BCO1: variants seen among roughly 807,000 people sequenced by gnomAD.
The protein encoded by BCO1 is beta-carotene oxygenase 1, also known as beta,beta-carotene 15,15'-dioxygenase.
Under a neutral mutation model 56.3 loss-of-function variants are expected in BCO1, and 54 were observed. The observed-to-expected ratio is 0.96, with a 90% CI of 0.77 to 1.20. The LOEUF (loss-of-function observed/expected upper bound fraction) is 1.20, where lower values mean the gene tolerates loss of function less well. BCO1 is among the 50% of genes most tolerant of loss of function. The pLI is 0.00. For synonymous variants in BCO1, 318 were observed against 266.1 expected (o/e 1.20, Z -1.90); for missense variants, 801 against 690.9 (o/e 1.16, Z -1.79).
At chr16:81,240,611 A>G (rs1359022488) in intron 1 of BCO1, among the ~76,000 whole-genome samples, 1 of 151,862 alleles carries the variant, frequency 6.6e-6, no homozygotes, top group African/African-American at 2.4e-5. Flanking sequence ...AGGATGAGGT[A>G]GTAGAATTGC....
At chr16:81,271,408 C>G (rs533120757) in intron 7 of BCO1, among the ~76,000 whole-genome samples, 1 of 152,196 alleles carries the variant, frequency 6.6e-6, no homozygotes, top group African/African-American at 2.4e-5. Context: ...AGCCACCATG[C>G]CTGGCCTAAT....
At chr16:81,267,043 C>A (rs1406842473) in intron 5 of BCO1, among the ~76,000 whole-genome samples, 2 of 152,172 alleles carry the variant, frequency 1.3e-5, no homozygotes, top group African/African-American at 4.8e-5. Context: ...CTCATGCTTG[C>A]AGAGGAATAA....
At position 81,290,610 on chromosome 16, in the gene BCO1, C is replaced by A. The variant is rs761030958; in HGVS notation, c.*33C>A. ...GGGGTTTGGGTAGGGGAGGGGAGCT[C>A]GGCTGTCAGAACTCCATGGATATGT... is the stretch of plus-strand genomic sequence containing the variant. On this transcript the variant is annotated 3_prime_UTR_variant, in exon 11 of 11. Transcript: ENST00000258168. 2 of 1,542,186 alleles carry A rather than the reference C, an allele frequency of 1.3e-6. No individual in the cohort carries two copies. The highest frequency in any genetic ancestry group is 1.8e-6 in the Non-Finnish European group (2 of 1,122,030).
At chr16:81,287,835 A>T (rs1446970901) in intron 10 of BCO1, among the ~76,000 whole-genome samples, 1 of 152,172 alleles carries the variant, frequency 6.6e-6, no homozygotes, top group African/African-American at 2.4e-5. Flanking sequence ...ACAATGACGT[A>T]TGACAATACT....
At chr16:81,256,229 A>G (rs1906129072) in intron 2 of BCO1, among the ~76,000 whole-genome samples, 1 of 152,094 alleles carries the variant, frequency 6.6e-6, no homozygotes, top group South Asian at 2.1e-4. Context: ...AGTGTTTAGC[A>G]TGCTGGTGCT....
intron 1 of BCO1, among the ~76,000 whole-genome samples, chr16:81,242,192 C>CTTTT (rs796252592): frequency 7.0e-4 from 55 of 78,742 alleles, no homozygotes; most frequent in Admixed American, 1.1e-3. Context: ...ACTTGGCTGT[C>CTTTT]TTTTTTTTTT....
In BCO1 at chr16:81,269,585, C is replaced by A. The variant is rs534642797; in HGVS notation, c.844-574C>A. On this transcript the variant is annotated intron_variant, in intron 6 of 10. Transcript: ENST00000258168. ...TGGGTTCAAGCGATTCTCCTGCCTCCACCTCCTGAGTAGTTGGGATTACAG... is the reference window on the plus strand; with the variant it reads ...TGGGTTCAAGCGATTCTCCTGCCTCAACCTCCTGAGTAGTTGGGATTACAG... Among the ~76,000 whole-genome samples, 9 of 152,244 alleles carry A rather than the reference C, an allele frequency of 5.9e-5. No individual in the cohort carries two copies. The East Asian group carries it at 1.7e-3, about 29-fold the overall frequency.
chr16:81,255,575 C>G (rs911392084), intron 2 of BCO1, among the ~76,000 whole-genome samples: 12 of 151,672 alleles, frequency 7.9e-5, no homozygotes, highest in African/African-American at 2.9e-4. Flanking sequence ...TCTCAGCTCA[C>G]TGCAACCTCT....
At chr16:81,276,467 A>G (rs1907563570) in intron 7 of BCO1, among the ~76,000 whole-genome samples, 5 of 152,180 alleles carry the variant, frequency 3.3e-5, no homozygotes, top group Admixed American at 3.3e-4. Context: ...CCACAGGCCC[A>G]TGAGGTGGCC....
Position 81,268,068 on chromosome 16 carries a change from G to T in BCO1, c.780G>T (p.Met260Ile). Residue 260 changes from methionine to isoleucine, a missense_variant, in exon 6 of 11, where the codon ATG (methionine) becomes ATT (isoleucine). Coordinates refer to ENST00000258168, the MANE Select transcript of BCO1 (RefSeq NM_017429.3). ...CTTTCAGGTTGGATATTCTCAAGAT[G>T]GCAACCGCATACATCCGGAGAATGA... The part of the protein sequence containing the change: ...EQPFRLDILK[M>I]ATAYIRRMSW... 1 of 1,613,164 alleles carries T rather than the reference G, an allele frequency of 6.2e-7. No homozygotes were observed.
chr16:81,252,677 G>A (rs1178986302), intron 2 of BCO1, among the ~76,000 whole-genome samples: 1 of 152,204 alleles, frequency 6.6e-6, no homozygotes, highest in African/African-American at 2.4e-5. Flanking sequence ...GGAGATCAGG[G>A]TGGCCTTAAG....
intron 3 of BCO1, among the ~76,000 whole-genome samples, chr16:81,260,108 A>G (rs1010501731): frequency 2.0e-5 from 3 of 152,220 alleles, no homozygotes; most frequent in Non-Finnish European, 4.4e-5. Flanking sequence ...ATAGAAAATG[A>G]CACATGCACC....
In BCO1 at chr16:81,249,457, C is replaced by T. The variant is rs184601431; in HGVS notation, c.193+3854C>T. Reference sequence around the variant, plus strand: ...ATTTTTAGTAGAGACGGGGTTTCACCGTGTTAGCCAGGATGGTCTTGATCT... The same window carrying T: ...ATTTTTAGTAGAGACGGGGTTTCACTGTGTTAGCCAGGATGGTCTTGATCT... On this transcript the variant is annotated intron_variant, in intron 2 of 10. Transcript: ENST00000258168. Among the ~76,000 whole-genome samples the T allele has an allele frequency of 1.7e-3, 255 of 152,282 alleles. 1 individual carries two copies. The highest frequency in any genetic ancestry group is 5.8e-3 in the African/African-American group (239 of 41,562).
chr16:81,262,959 C>G (rs1226951538), intron 4 of BCO1: 3 of 154,656 alleles, frequency 1.9e-5, no homozygotes, highest in Non-Finnish European at 4.3e-5. Flanking sequence ...TCTGAAGACT[C>G]TAGAGGAGGG....
At chr16:81,251,018 C>A (rs1429541622) in intron 2 of BCO1, among the ~76,000 whole-genome samples, 2 of 152,096 alleles carry the variant, frequency 1.3e-5, no homozygotes, top group East Asian at 3.9e-4. Flanking sequence ...CCACAATGGG[C>A]CTCTAGCCTG....
chr16:81,290,298 C>G (rs775296256), intron 10 of BCO1, 50 bp from the exon 11 acceptor site: 14 of 1,465,376 alleles, frequency 9.6e-6, no homozygotes, highest in South Asian at 9.1e-5. Context: ...TTCATCCCTC[C>G]GACTGAAGCC....
intron 5 of BCO1, 108 bp from the exon 6 acceptor site, chr16:81,267,800 T>C (rs770996602): frequency 4.3e-6 from 4 of 930,796 alleles, no homozygotes; most frequent in Non-Finnish European, 6.8e-6. Context: ...CTGTTTAATG[T>C]AAAGGTTTTT....
At chr16:81,257,895 AAGAG>A in intron 2 of BCO1, among the ~76,000 whole-genome samples, 1 of 151,424 alleles carries the variant, frequency 6.6e-6, no homozygotes, top group East Asian at 1.9e-4. Context: ...AAAAAAAAAA[AAGAG>A]AGAGACTTTG....
Position 81,268,181 on chromosome 16 carries a change from G to A in BCO1, c.843+50G>A, listed in dbSNP as rs1371564623. On this transcript the variant is annotated intron_variant, in intron 6 of 10. Transcript: ENST00000258168. ...CAGTGGGTGCTGGCTGACCATGGAG[G>A]GAGGCTGGTGTGCAGGAGGGTGAAG... is the stretch of plus-strand genomic sequence containing the variant. 2.6e-6 allele frequency: 4 copies of A among 1,534,088 alleles called. No homozygotes were observed. The East Asian group carries it at 6.7e-5, about 26-fold the overall frequency.
Sources: allele counts gnomAD v4.1 joint callset (sites outside exome capture counted in the v4.1 genomes callset), GRCh38; gene constraint gnomAD v4.1.1; transcripts MANE v1.5; gene names NCBI Gene and HGNC (gene_info 2026-07-23, HGNC 2026-07-21).